The following DOCK9 variants were observed in gnomAD, a reference collection of about 807,000 sequenced individuals.
DOCK9 encodes the protein dedicator of cytokinesis protein 9.
In DOCK9, 89 loss-of-function variants were observed where a neutral mutation model predicts 263.3. That is an observed-to-expected ratio of 0.34 (90% confidence interval 0.28 to 0.40). The LOEUF (loss-of-function observed/expected upper bound fraction) is 0.40, where lower values mean the gene tolerates loss of function less well. DOCK9 is among the 10% of genes least tolerant of loss of function. The probability of loss-of-function intolerance (pLI) is 1.00; values close to 1 mark genes in which losing one functional copy is unlikely to be tolerated. For missense variants in DOCK9, 2,140 were observed against 2,603.4 expected (o/e 0.82, Z 3.87); for synonymous variants, 976 against 973.1 (o/e 1.00, Z -0.06).
chr13:98,821,306 T>A (rs2092261249), intron 45 of DOCK9, among the ~76,000 whole-genome samples: 1 of 152,094 alleles, frequency 6.6e-6, no homozygotes, highest in Non-Finnish European at 1.5e-5. Context: ...CCTCCCTGCG[T>A]GGGTGCCCTC....
At chr13:99,015,912 GAACA>G in intron 1 of DOCK9, 1 of 413,396 alleles carries the variant, frequency 2.4e-6, no homozygotes, top group Non-Finnish European at 3.4e-6. Context: ...TAATACCAAA[GAACA>G]AATAAGCAGG....
At chr13:99,020,056 G>A (rs1350541846) in intron 1 of DOCK9, among the ~76,000 whole-genome samples, 1 of 152,052 alleles carries the variant, frequency 6.6e-6, no homozygotes, top group Non-Finnish European at 1.5e-5. Flanking sequence ...GAGCTGAGAT[G>A]GCACCACTGC....
intron 15 of DOCK9, among the ~76,000 whole-genome samples, chr13:98,893,805 C>T (rs559171828): frequency 1.3e-5 from 2 of 152,336 alleles, no homozygotes; most frequent in East Asian, 1.9e-4. Flanking sequence ...CGTCCCCTAA[C>T]TCTGTTGTGA....
intron 52 of DOCK9, 95 bp from the exon 53 acceptor site, chr13:98,794,843 C>T (rs2089155370): frequency 1.4e-6 from 2 of 1,401,536 alleles, no homozygotes; most frequent in Admixed American, 1.8e-5. Context: ...CCAAGTGTAA[C>T]AAAATGTTAC....
intron 27 of DOCK9, among the ~76,000 whole-genome samples, chr13:98,872,766 T>C (rs1460694084): frequency 3.3e-5 from 5 of 152,334 alleles, no homozygotes; most frequent in Middle Eastern, 3.4e-3. Flanking sequence ...GTCTTCTCTC[T>C]ATAATCTGCA....
chr13:99,082,533 TAATA>T (rs377382167), intron 1 of DOCK9, among the ~76,000 whole-genome samples: 33 of 101,574 alleles, frequency 3.2e-4, no homozygotes, highest in Non-Finnish European at 5.0e-4. Context: ...AAAATAATAA[TAATA>T]AATAAATAAA....
chr13:98,877,594 A>C (rs901066340), intron 27 of DOCK9, among the ~76,000 whole-genome samples: 1 of 151,568 alleles, frequency 6.6e-6, no homozygotes, highest in Non-Finnish European at 1.5e-5. Context: ...CACCTAGCCA[A>C]CTCCTGTTTA....
intron 1 of DOCK9, among the ~76,000 whole-genome samples, chr13:98,971,460 C>CT (rs58492756): frequency 1.4e-5 from 2 of 138,502 alleles, no homozygotes; most frequent in African/African-American, 2.9e-5. Flanking sequence ...GTAGTCCCAG[C>CT]ACTTTGGGAG....
intron 49 of DOCK9, among the ~76,000 whole-genome samples, chr13:98,803,938 AT>A (rs34751334): frequency 0.44 from 63,170 of 142,110 alleles, 13,455 homozygotes; most frequent in South Asian, 0.65. Context: ...AAAAACCTGT[AT>A]TTTTTTTTTT....
At position 98,805,310 on chromosome 13, in the gene DOCK9, G is replaced by A. The variant is rs1490241652; in HGVS notation, c.5515-101C>T. The A allele has an allele frequency of 4.0e-5, 40 of 1,007,744 alleles. No homozygotes were observed. The East Asian group carries it at 8.9e-4, about 22-fold the overall frequency. The allele number at this position is 1,007,744 out of a possible 1,614,324, so 62.4% of individuals were successfully genotyped here. ...CCAACATTTTATTTGTAAATATAACGGAGAGAAGAGTACAACAAACATCCA... is the reference window on the plus strand; with the variant it reads ...CCAACATTTTATTTGTAAATATAACAGAGAGAAGAGTACAACAAACATCCA... On this transcript the variant is annotated intron_variant, in intron 48 of 52. Transcript: ENST00000682017.
chr13:98,822,162 A>G (rs1436236931), intron 45 of DOCK9, among the ~76,000 whole-genome samples: 1 of 152,192 alleles, frequency 6.6e-6, no homozygotes, highest in Non-Finnish European at 1.5e-5. Flanking sequence ...GGACCTTGTT[A>G]AAGATTTACT....
chr13:98,831,907 T>C, intron 39 of DOCK9, 121 bp from the exon 40 acceptor site: 1 of 1,219,458 alleles, frequency 8.2e-7, no homozygotes, highest in Non-Finnish European at 1.1e-6. Context: ...TTAAACAAAC[T>C]CTGCCTTGAA....
intron 38 of DOCK9, among the ~76,000 whole-genome samples, chr13:98,839,877 G>C (rs1369956739): frequency 5.9e-5 from 9 of 152,208 alleles, no homozygotes; most frequent in Non-Finnish European, 4.4e-5. Context: ...CTCTCCTTTA[G>C]AGTCAGATTC....
chr13:98,960,952 T>C (rs2141107702), intron 1 of DOCK9, among the ~76,000 whole-genome samples: 1 of 152,324 alleles, frequency 6.6e-6, no homozygotes. Flanking sequence ...ATTGTATACA[T>C]TCTTTGCTTT....
At chr13:98,950,530 T>A (rs2057287767) in intron 2 of DOCK9, 1 of 362,398 alleles carries the variant, frequency 2.8e-6, no homozygotes, top group African/African-American at 2.1e-5. Context: ...CTTGAACTTC[T>A]AGGCTTAAGC....
chr13:98,924,623 C>T (rs999705288), intron 4 of DOCK9, among the ~76,000 whole-genome samples: 3 of 152,296 alleles, frequency 2.0e-5, no homozygotes, highest in Middle Eastern at 3.4e-3. Flanking sequence ...GTGCTGTTCT[C>T]ACAGTAATGA....
chr13:98,904,644 G>T lies in DOCK9; in HGVS notation c.1023C>A (p.Asp341Glu), dbSNP rs1402213742. 1.3e-6 allele frequency: 2 copies of T among 1,555,894 alleles called. No individual in the cohort carries two copies. Among genetic ancestry groups the T allele is most frequent in the African/African-American group, 2.7e-5 (2 of 73,402 alleles). ...AGATAGTTCTTACCTGGGCATCTGG[G>T]TCCAAATAAAAAAGTTTGACTCTGC... Reference protein sequence around the residue: ...SESRVKLFYLDPDAQKLDFSS... With the variant: ...SESRVKLFYLEPDAQKLDFSS... The change falls in exon 10 of 53, where the codon GAC (aspartate) becomes GAA (glutamate). Residue 341 changes from aspartate to glutamate, a missense_variant. Physicochemically the swap from Asp to Glu is conservative, Grantham distance 45. Transcript: ENST00000682017.
chr13:98,890,666 C>G (rs942352905), intron 15 of DOCK9, among the ~76,000 whole-genome samples: 2 of 152,136 alleles, frequency 1.3e-5, no homozygotes, highest in Non-Finnish European at 2.9e-5. Context: ...AAGTTCCTAC[C>G]TACAATTTTG....
intron 27 of DOCK9, among the ~76,000 whole-genome samples, chr13:98,875,808 C>T (rs377451122): frequency 3.9e-5 from 6 of 152,246 alleles, no homozygotes; most frequent in Admixed American, 1.3e-4. Flanking sequence ...CAGGTCCATC[C>T]GCTGTAGTAA....
Sources: gnomAD v4.1 joint callset for allele counts (sites outside exome capture counted in the v4.1 genomes callset) on GRCh38, gnomAD v4.1.1 for gene constraint, MANE v1.5 for transcripts, NCBI Gene and HGNC (gene_info 2026-07-23, HGNC 2026-07-21) for gene names.